The following CSMD1 variants were observed in gnomAD, a reference collection of about 807,000 sequenced individuals.
CSMD1 encodes the protein CUB and sushi domain-containing protein 1.
Under a neutral mutation model 417.5 loss-of-function variants are expected in CSMD1, and 213 were observed. That is an observed-to-expected ratio of 0.51 (90% CI 0.46 to 0.57). CSMD1 has a LOEUF of 0.57. Among genes scored for constraint, CSMD1 ranks in the 20% least tolerant of loss-of-function variants. CSMD1 has a pLI of 0.00. For missense variants in CSMD1, 6,923 were observed against 4,529.7 expected (o/e 1.53, Z -15.17); for synonymous variants, 2,862 against 1,736.8 (o/e 1.65, Z -16.11).
intron 3 of CSMD1, among the ~76,000 whole-genome samples, chr8:4,056,946 T>A (rs138967668): frequency 0.038 from 5,837 of 152,264 alleles, 351 homozygotes; most frequent in African/African-American, 0.12. Flanking sequence ...TGTTGGACAT[T>A]TGGGTTGGTT....
At chr8:3,250,645 C>G (rs185443329) in intron 26 of CSMD1, among the ~76,000 whole-genome samples, 26 of 152,342 alleles carry the variant, frequency 1.7e-4, no homozygotes, top group Non-Finnish European at 1.5e-5. Flanking sequence ...CTGTCTTCCA[C>G]AATCATTGAA....
chr8:3,184,850 AT>A (rs1238465850), intron 36 of CSMD1, among the ~76,000 whole-genome samples: 1 of 152,112 alleles, frequency 6.6e-6, no homozygotes, highest in Non-Finnish European at 1.5e-5. Flanking sequence ...GGACCCTTAA[AT>A]TTTAGCAGTT....
intron 6 of CSMD1, among the ~76,000 whole-genome samples, chr8:3,712,653 G>A (rs552226639): frequency 1.3e-3 from 191 of 152,272 alleles, no homozygotes; most frequent in African/African-American, 3.8e-3. Flanking sequence ...AATCTTCGGA[G>A]GTGAGCTTGG....
chr8:4,611,778 C>T (rs1347554458), intron 2 of CSMD1, among the ~76,000 whole-genome samples: 1 of 152,122 alleles, frequency 6.6e-6, no homozygotes, highest in Non-Finnish European at 1.5e-5. Flanking sequence ...CAAAATTACT[C>T]AGTGTTCCTC....
At chr8:3,329,832 G>C (rs1806778819) in intron 23 of CSMD1, among the ~76,000 whole-genome samples, 1 of 152,176 alleles carries the variant, frequency 6.6e-6, no homozygotes, top group Non-Finnish European at 1.5e-5. Flanking sequence ...TAACTTACTT[G>C]CTAGGGGCAC....
chr8:4,772,781 C>T (rs1201378546), intron 1 of CSMD1, among the ~76,000 whole-genome samples: 1 of 152,154 alleles, frequency 6.6e-6, no homozygotes, highest in Non-Finnish European at 1.5e-5. Context: ...ATCAGTCTTC[C>T]AGGGCTTAAG....
chr8:4,123,713 G>C (rs1031464095), intron 3 of CSMD1, among the ~76,000 whole-genome samples: 1 of 152,176 alleles, frequency 6.6e-6, no homozygotes, highest in Non-Finnish European at 1.5e-5. Context: ...ACATTTGGAA[G>C]AAGTCACATT....
At chr8:4,615,976 T>C (rs749036233) in intron 2 of CSMD1, among the ~76,000 whole-genome samples, 3 of 152,200 alleles carry the variant, frequency 2.0e-5, no homozygotes, top group Non-Finnish European at 4.4e-5. Flanking sequence ...CAAATTCTTC[T>C]GTAAAAAACC....
chr8:4,125,437 C>G (rs993541135), intron 3 of CSMD1, among the ~76,000 whole-genome samples: 10 of 152,196 alleles, frequency 6.6e-5, no homozygotes, highest in Admixed American at 4.6e-4. Context: ...TCATCTGTTG[C>G]TTGATGTCCC....
At chr8:4,530,945 C>T (rs748728860) in intron 2 of CSMD1, among the ~76,000 whole-genome samples, 11 of 152,040 alleles carry the variant, frequency 7.2e-5, no homozygotes, top group Non-Finnish European at 1.6e-4. Flanking sequence ...CACAAAAAGA[C>T]AGACCTAGTA....
chr8:4,259,266 C>T (rs935798601), intron 3 of CSMD1, among the ~76,000 whole-genome samples: 2 of 152,074 alleles, frequency 1.3e-5, no homozygotes, highest in Non-Finnish European at 2.9e-5. Flanking sequence ...AACAAGCAAC[C>T]CCCCTCCCTG....
chr8:3,337,746 G>A (rs1006013188), intron 23 of CSMD1, among the ~76,000 whole-genome samples: 8 of 152,118 alleles, frequency 5.3e-5, no homozygotes, highest in East Asian at 1.9e-4. Flanking sequence ...ACCTGGAATC[G>A]GCCTAATGGG....
chr8:3,400,630 G>A (rs1035044554), intron 15 of CSMD1, among the ~76,000 whole-genome samples: 8 of 151,924 alleles, frequency 5.3e-5, no homozygotes, highest in African/African-American at 1.9e-4. Flanking sequence ...AAATTTTGTT[G>A]ATATGGGAAA....
chr8:3,309,894 C>G (rs1805192593), intron 23 of CSMD1, among the ~76,000 whole-genome samples: 2 of 152,158 alleles, frequency 1.3e-5, no homozygotes, highest in South Asian at 4.1e-4. Flanking sequence ...ATGCTTGATC[C>G]TTTGCACTCA....
intron 33 of CSMD1, among the ~76,000 whole-genome samples, chr8:3,190,391 C>T (rs957761654): frequency 1.3e-5 from 2 of 152,156 alleles, no homozygotes; most frequent in Non-Finnish European, 2.9e-5. Flanking sequence ...ATCTCAGTGT[C>T]CTCACTTCAG....
chr8:4,955,150 T>G (rs1585401648), intron 1 of CSMD1, among the ~76,000 whole-genome samples: 1 of 152,276 alleles, frequency 6.6e-6, no homozygotes, highest in East Asian at 1.9e-4. Flanking sequence ...GTTCCCTATA[T>G]CAGAAACCCT....
chr8:4,991,999 G>A (rs1811492832), intron 1 of CSMD1, among the ~76,000 whole-genome samples: 1 of 152,148 alleles, frequency 6.6e-6, no homozygotes, highest in Non-Finnish European at 1.5e-5. Context: ...GCACACACTT[G>A]CGCACAGCAC....
chr8:4,661,552 T>G lies in CSMD1; in HGVS notation c.86-23994A>C, dbSNP rs187082239. Among the ~76,000 whole-genome samples the G allele has an allele frequency of 2.5e-3, 375 of 152,292 alleles. 5 individuals are homozygous for G. Among genetic ancestry groups the G allele is most frequent in the African/African-American group, 8.8e-3 (365 of 41,576 alleles). On this transcript the variant is annotated intron_variant, in intron 1 of 69. Coordinates refer to ENST00000635120, the MANE Select transcript of CSMD1 (RefSeq NM_033225.6). ...AGGATCTTTGTAGTGATATAAATAT[T>G]CTGTATCTCCAATGTGTTCATCTCA...
chr8:4,091,301 T>C (rs535676988), intron 3 of CSMD1, among the ~76,000 whole-genome samples: 1 of 152,250 alleles, frequency 6.6e-6, no homozygotes, highest in South Asian at 2.1e-4. Context: ...TTATTAAAAT[T>C]CTGATTCAAT....
Sources: allele counts gnomAD v4.1 joint callset (sites outside exome capture counted in the v4.1 genomes callset), GRCh38; gene constraint gnomAD v4.1.1; transcripts MANE v1.5; gene names NCBI Gene and HGNC (gene_info 2026-07-23, HGNC 2026-07-21).